BBX: variants seen among roughly 807,000 people sequenced by gnomAD.
The protein encoded by BBX is HMG box transcription factor BBX.
BBX carries 30 observed loss-of-function variants against 100.2 expected under a neutral mutation model. The observed-to-expected ratio is 0.30, with a 90% CI of 0.22 to 0.41. BBX has a LOEUF of 0.41. Ranked by LOEUF, BBX falls within the 10% of genes least tolerant of loss-of-function variation. BBX has a pLI of 1.00. For synonymous variants in BBX, 376 were observed against 388.1 expected (o/e 0.97, Z 0.37); for missense variants, 1,023 against 1,129.8 (o/e 0.91, Z 1.35).
intron 13 of BBX, among the ~76,000 whole-genome samples, chr3:107,785,634 T>TA (rs35414236): frequency 1.8e-4 from 27 of 150,364 alleles, no homozygotes; most frequent in African/African-American, 3.9e-4. Context: ...CAATGCCCTT[T>TA]AAAAAAAAAA....
At chr3:107,538,270 G>C (rs1254824963) in intron 2 of BBX, among the ~76,000 whole-genome samples, 1 of 152,090 alleles carries the variant, frequency 6.6e-6, no homozygotes, top group Admixed American at 6.5e-5. Context: ...GTTATTTGTA[G>C]TTTTCTGAAA....
intron 2 of BBX, among the ~76,000 whole-genome samples, chr3:107,601,038 T>C (rs546031953): frequency 6.6e-6 from 1 of 152,352 alleles, no homozygotes; most frequent in East Asian, 1.9e-4. Flanking sequence ...ACATTTCAAA[T>C]ATTTTCATTA....
At chr3:107,560,637 C>G (rs1395740348) in intron 2 of BBX, among the ~76,000 whole-genome samples, 1 of 152,214 alleles carries the variant, frequency 6.6e-6, no homozygotes, top group Non-Finnish European at 1.5e-5. Context: ...AAAACACTTC[C>G]ATTAGAGATC....
At chr3:107,597,970 A>G (rs2053779272) in intron 2 of BBX, among the ~76,000 whole-genome samples, 1 of 152,146 alleles carries the variant, frequency 6.6e-6, no homozygotes, top group Non-Finnish European at 1.5e-5. Flanking sequence ...GGGAAAGGGA[A>G]GGTAAGATAG....
At position 107,697,628 on chromosome 3, in the gene BBX, A is replaced by C. The variant is rs1347283745; in HGVS notation, c.-9-12824A>C. Among the ~76,000 whole-genome samples the C allele has an allele frequency of 1.1e-4, 17 of 152,010 alleles. No homozygotes were observed. In the East Asian group the frequency reaches 1.7e-3, roughly 16 times the overall value. Reference sequence around the variant, plus strand: ...TGTCAGACAGGGACATTTAAGTCTGAGGAGGTTACTGCTGTCTTTTTGTTT... The same window carrying C: ...TGTCAGACAGGGACATTTAAGTCTGCGGAGGTTACTGCTGTCTTTTTGTTT... On this transcript the variant is annotated intron_variant, in intron 3 of 17. Transcript: ENST00000325805.
intron 3 of BBX, among the ~76,000 whole-genome samples, chr3:107,697,952 C>G (rs1004913300): frequency 1.3e-5 from 2 of 151,866 alleles, no homozygotes; most frequent in Non-Finnish European, 2.9e-5. Flanking sequence ...TGGGAGTGAC[C>G]CGATTTTCCA....
chr3:107,673,131 TAGA>T (rs1263888318), intron 3 of BBX, among the ~76,000 whole-genome samples: 7 of 152,074 alleles, frequency 4.6e-5, no homozygotes, highest in Non-Finnish European at 8.8e-5. Context: ...CCAAAATGAA[TAGA>T]AGATTATTCC....
chr3:107,614,550 C>A (rs1416537754), intron 2 of BBX, among the ~76,000 whole-genome samples: 1 of 151,924 alleles, frequency 6.6e-6, no homozygotes, highest in African/African-American at 2.4e-5. Context: ...TTCTAGGACC[C>A]CTGTGGATAG....
chr3:107,728,547 A>T (rs1445912618), intron 5 of BBX, among the ~76,000 whole-genome samples: 1 of 152,202 alleles, frequency 6.6e-6, no homozygotes, highest in South Asian at 2.1e-4. Context: ...CAAAGTATAC[A>T]GCTTCTGAAT....
chr3:107,569,894 T>C (rs902339670), intron 2 of BBX, among the ~76,000 whole-genome samples: 3 of 152,198 alleles, frequency 2.0e-5, no homozygotes, highest in Non-Finnish European at 2.9e-5. Flanking sequence ...TTGGGCAGCG[T>C]CAGTCTTCAG....
chr3:107,687,932 G>C (rs890204707), intron 3 of BBX, among the ~76,000 whole-genome samples: 1 of 152,066 alleles, frequency 6.6e-6, no homozygotes. Context: ...GCACACATCT[G>C]TAATCCCAGC....
chr3:107,591,864 T>C (rs906013290), intron 2 of BBX, among the ~76,000 whole-genome samples: 2 of 152,160 alleles, frequency 1.3e-5, no homozygotes, highest in East Asian at 1.9e-4. Context: ...CAGAGTATTA[T>C]AGGTGATTGA....
intron 2 of BBX, among the ~76,000 whole-genome samples, chr3:107,580,025 G>T (rs1240161785): frequency 6.6e-6 from 1 of 151,802 alleles, no homozygotes; most frequent in East Asian, 1.9e-4. Flanking sequence ...ACTTTGGATT[G>T]TACTTGAGAA....
At position 107,807,328 on chromosome 3, in the gene BBX, A is replaced by G. The variant is rs978041569; in HGVS notation, c.*1871A>G. On this transcript the variant is annotated 3_prime_UTR_variant, in exon 18 of 18. Coordinates refer to ENST00000325805, the MANE Select transcript of BBX (RefSeq NM_001142568.3). ...TAATCAAACGTTACAACTTAACCCC[A>G]TTCATGTAGGAATAAATCAAGTGAG... The G allele has an allele frequency of 1.5e-4, 23 of 152,202 alleles. No individual in the cohort carries two copies. Among genetic ancestry groups the G allele is most frequent in the African/African-American group, 5.5e-4 (23 of 41,446 alleles). 9.4% of individuals were successfully genotyped at this position (152,202 alleles called of 1,614,324 possible).
intron 8 of BBX, among the ~76,000 whole-genome samples, chr3:107,746,212 AT>A (rs1560085214): frequency 6.6e-6 from 1 of 152,058 alleles, no homozygotes; most frequent in African/African-American, 2.4e-5. Context: ...TAAATTGTTT[AT>A]TTTTTTCTAA....
intron 2 of BBX, among the ~76,000 whole-genome samples, chr3:107,578,012 A>G (rs1248486390): frequency 6.6e-6 from 1 of 152,248 alleles, no homozygotes; most frequent in East Asian, 1.9e-4. Context: ...ATGAATTTGT[A>G]TCTAACATTG....
rs1165454541 is a variant in BBX, at chr3:107,693,342, T to G, written c.-9-17110T>G. Among the ~76,000 whole-genome samples the G allele has an allele frequency of 3.3e-5, 5 of 151,906 alleles. 1 individual carries two copies. Among genetic ancestry groups the G allele is most frequent in the Admixed American group, 1.3e-4 (2 of 15,278 alleles). ...TTTTTATGGTTTTAGGTCTAACGTT[T>G]AAGTCTTTAGTCCATCTTGAATTGA... On this transcript the variant is annotated intron_variant, in intron 3 of 17. Transcript: ENST00000325805.
chr3:107,716,525 C>A, intron 4 of BBX, 82 bp from the exon 5 acceptor site: 1 of 1,512,744 alleles, frequency 6.6e-7, no homozygotes, highest in Non-Finnish European at 8.9e-7. Context: ...GAAAAAAATA[C>A]AATTTGCAAA....
chr3:107,787,561 A>C (rs2068567659), intron 13 of BBX, among the ~76,000 whole-genome samples: 1 of 152,226 alleles, frequency 6.6e-6, no homozygotes, highest in Admixed American at 6.5e-5. Context: ...AATGTTCAAA[A>C]ATTGGTGCCG....
Sources: allele counts gnomAD v4.1 joint callset (sites outside exome capture counted in the v4.1 genomes callset), GRCh38; gene constraint gnomAD v4.1.1; transcripts MANE v1.5; gene names NCBI Gene and HGNC (gene_info 2026-07-23, HGNC 2026-07-21).